SVEP1: variants seen among roughly 807,000 people sequenced by gnomAD.
The protein encoded by SVEP1 is sushi, von Willebrand factor type A, EGF and pentraxin domain containing 1.
Under a neutral mutation model 367.3 loss-of-function variants are expected in SVEP1, and 164 were observed. The observed-to-expected ratio is 0.45, with a 90% CI of 0.39 to 0.51. The LOEUF is 0.51. Among genes scored for constraint, SVEP1 ranks in the 20% least tolerant of loss-of-function variants. The pLI, the probability that SVEP1 is intolerant of heterozygous loss-of-function variation, is 0.00. For missense variants in SVEP1, 4,117 were observed against 4,425.3 expected (o/e 0.93, Z 1.98); for synonymous variants, 1,666 against 1,611.6 (o/e 1.03, Z -0.81).
chr9:110,375,447 G>A lies in SVEP1; in HGVS notation c.10521C>T (p.Pro3507=), dbSNP rs180788725. The A allele has an allele frequency of 4.2e-3, 4,239 of 1,012,546 alleles. 8 individuals carry two copies. Among genetic ancestry groups the A allele is most frequent in the Non-Finnish European group, 5.3e-3 (3,817 of 713,684 alleles). The allele number at this position is 1,012,546 out of a possible 1,614,324, so 62.7% of individuals were successfully genotyped here. A position where few individuals can be genotyped will look rare whatever the true frequency, so the allele number is the denominator to read the frequency against. The stretch of plus-strand genomic sequence containing the variant: ...CCACACAGCGACCTCCGTTCAGACA[G>A]GGAAGAATGCAGATTGCTAAAAAAA... The part of the protein sequence containing the change: ...RLCEEPICIL[P]CLNGGRCVAP... Residue 3507 remains proline (P), a synonymous_variant, in exon 46 of 48, where the codon CCC becomes CCT. Coordinates refer to ENST00000374469, the MANE Select transcript of SVEP1 (RefSeq NM_153366.4).
chr9:110,412,505 C>T (rs1828058442), intron 36 of SVEP1, among the ~76,000 whole-genome samples: 1 of 152,048 alleles, frequency 6.6e-6, no homozygotes, highest in Non-Finnish European at 1.5e-5. Context: ...ATGTCTAAAA[C>T]ACCAAAAGCA....
intron 6 of SVEP1, 25 bp downstream of exon 6, chr9:110,503,013 G>A: frequency 6.3e-7 from 1 of 1,595,934 alleles, no homozygotes; most frequent in Non-Finnish European, 8.5e-7. Flanking sequence ...AATCACTCAA[G>A]GCATTACACC....
At chr9:110,564,873 C>G (rs981211343) in intron 1 of SVEP1, among the ~76,000 whole-genome samples, 2 of 151,604 alleles carry the variant, frequency 1.3e-5, no homozygotes, top group Admixed American at 1.3e-4. Context: ...AATGTGTTGA[C>G]TTTTAAAATT....
In SVEP1 at chr9:110,379,476, C is replaced by A; in HGVS notation, c.10279G>T (p.Ala3427Ser). The A allele has an allele frequency of 6.2e-7, 1 of 1,613,716 alleles. No homozygotes were observed. The highest frequency in any genetic ancestry group is 2.2e-5 in the East Asian group (1 of 44,856). Residue 3427 changes from alanine to serine, a missense_variant, in exon 44 of 48, where the codon GCT becomes TCT. Ala to Ser is a moderately conservative substitution (Grantham distance 99). Transcript: ENST00000374469. ...GPPAHVENAI[A>S]RGVHYQYGDM... Reference sequence around the variant, plus strand: ...CCATATTGATAATGTACGCCTCGAGCAATTGCATTTTCTACGTGAGCTGGT... The same window carrying A: ...CCATATTGATAATGTACGCCTCGAGAAATTGCATTTTCTACGTGAGCTGGT...
chr9:110,533,122 C>T (rs560362236), intron 3 of SVEP1, among the ~76,000 whole-genome samples: 181 of 152,210 alleles, frequency 1.2e-3, no homozygotes, highest in African/African-American at 4.1e-3. Context: ...AGAGCTCAGG[C>T]GGTAAGGCTT....
chr9:110,411,762 T>C, intron 36 of SVEP1, 27 bp from the exon 37 acceptor site: 10 of 1,463,004 alleles, frequency 6.8e-6, no homozygotes, highest in African/African-American at 1.4e-5. Flanking sequence ...AAAGAAAGAA[T>C]AACTAAGCAT....
intron 16 of SVEP1, among the ~76,000 whole-genome samples, chr9:110,470,684 C>T (rs1829002035): frequency 6.6e-6 from 1 of 151,768 alleles, no homozygotes; most frequent in Non-Finnish European, 1.5e-5. Context: ...GATCCTCCCG[C>T]CTTGGCCTCC....
chr9:110,539,652 A>G lies in SVEP1; in HGVS notation c.964+6463T>C, dbSNP rs148599605. Among the ~76,000 whole-genome samples, 131 of 151,310 alleles carry G rather than the reference A, an allele frequency of 8.7e-4. 1 individual carries two copies. The highest frequency in any genetic ancestry group is 2.9e-3 in the African/African-American group (121 of 41,354). On this transcript the variant is annotated intron_variant, in intron 3 of 47. Transcript: ENST00000374469. ...ACATATATGTATGTGTTACATATAT[A>G]TGTATAATATATGTACATTACATAT...
intron 42 of SVEP1, 67 bp downstream of exon 42, chr9:110,387,218 T>G: frequency 6.8e-7 from 1 of 1,472,900 alleles, no homozygotes; most frequent in South Asian, 1.5e-5. Flanking sequence ...CCTCTATGTT[T>G]TGGATATGCG....
In SVEP1 at chr9:110,567,261, G is replaced by A. The variant is rs967349512; in HGVS notation, c.531+11752C>T. On this transcript the variant is annotated intron_variant, in intron 1 of 47. Transcript: ENST00000374469. ...AGAGGGAAGACAACAAACACCACAA[G>A]AGAGTTATAAACCATGTATATACAT... 3.3e-5 allele frequency among the ~76,000 whole-genome samples: 5 copies of A among 152,150 alleles called. No individual in the cohort carries two copies. In the East Asian group the frequency reaches 9.7e-4, roughly 29 times the overall value.
chr9:110,377,691 CAT>C (rs1305113231), intron 44 of SVEP1, among the ~76,000 whole-genome samples: 8 of 152,200 alleles, frequency 5.3e-5, no homozygotes, highest in African/African-American at 1.7e-4. Flanking sequence ...CATCCCCTCA[CAT>C]AGTTATTGTT....
intron 6 of SVEP1, among the ~76,000 whole-genome samples, chr9:110,501,579 T>C (rs976419071): frequency 3.9e-5 from 6 of 152,256 alleles, no homozygotes; most frequent in African/African-American, 1.4e-4. Context: ...CATAATTTCT[T>C]ACAAGAGCTA....
rs549686046 is a variant in SVEP1 at position 110,469,009 on chromosome 9, C to T, written c.3091G>A (p.Glu1031Lys). ...ATCCCAGAGGGGCAAAGCTTGCACT[C>T]AAGTTGCCCTTCTTCATCTTGATAG... ...GSYQDEEGQLECKLCPSGMYT... is the reference protein window; with the variant it reads ...GSYQDEEGQLKCKLCPSGMYT... Residue 1031 changes from glutamate (E) to lysine (K), a missense_variant, in exon 17 of 48, where the codon GAG becomes AAG. Transcript: ENST00000374469. The T allele has an allele frequency of 1.1e-3, 1,725 of 1,613,916 alleles. 34 individuals carry two copies. In the South Asian group the frequency reaches 0.018, roughly 17 times the overall value.
intron 26 of SVEP1, 98 bp downstream of exon 26, chr9:110,445,739 C>CT: frequency 7.3e-7 from 1 of 1,362,898 alleles, no homozygotes; most frequent in Non-Finnish European, 1.0e-6. Flanking sequence ...TCTGGGAACA[C>CT]CTGACCCTCT....
At chr9:110,551,556 A>C (rs1424566825) in intron 1 of SVEP1, among the ~76,000 whole-genome samples, 1 of 152,228 alleles carries the variant, frequency 6.6e-6, no homozygotes, top group Non-Finnish European at 1.5e-5. Flanking sequence ...AGATGGGACC[A>C]CACCAAAGAC....
intron 32 of SVEP1, among the ~76,000 whole-genome samples, chr9:110,431,118 T>G (rs550064344): frequency 6.6e-6 from 1 of 152,326 alleles, no homozygotes; most frequent in Admixed American, 6.5e-5. Context: ...ATGAGCTGAT[T>G]TTGAGGAAAA....
In SVEP1 at chr9:110,483,680, A is replaced by G; in HGVS notation, c.1944T>C (p.Pro648=). 1 of 1,596,422 alleles carries G rather than the reference A, an allele frequency of 6.3e-7. No individual in the cohort carries two copies. Among genetic ancestry groups the G allele is most frequent in the Non-Finnish European group, 8.5e-7 (1 of 1,171,624 alleles). ...FHIKVIDAEP[P]VIDWCRSPPP... ...GTGGAGATCTGCACCAGTCTATGACAGGTGGTTCTGCATCTGAAGAACATG... is the reference window on the plus strand; with the variant it reads ...GTGGAGATCTGCACCAGTCTATGACGGGTGGTTCTGCATCTGAAGAACATG... Residue 648 remains proline, a synonymous_variant, in exon 10 of 48, where the codon CCT becomes CCC. Coordinates refer to ENST00000374469, the MANE Select transcript of SVEP1 (RefSeq NM_153366.4).
intron 28 of SVEP1, among the ~76,000 whole-genome samples, chr9:110,435,580 C>T (rs1440914951): frequency 1.3e-5 from 2 of 152,116 alleles, no homozygotes; most frequent in African/African-American, 4.8e-5. Flanking sequence ...CCACTAGACT[C>T]GTTGTTGCCT....
At position 110,512,969 on chromosome 9, in the gene SVEP1, A is replaced by G. The variant is rs1829745133; in HGVS notation, c.1260T>C (p.Cys420=). 1 of 1,614,020 alleles carries G rather than the reference A, an allele frequency of 6.2e-7. No homozygotes were observed. Among genetic ancestry groups the G allele is most frequent in the East Asian group, 2.2e-5 (1 of 44,886 alleles). The change falls in exon 5 of 48, where the codon TGT becomes TGC. Residue 420 remains cysteine (C), a synonymous_variant. Coordinates refer to ENST00000374469, the MANE Select transcript of SVEP1 (RefSeq NM_153366.4). ...FDLVGSSIIL[C]LPNGLWSGSE... ...AACCGGACCACAAACCATTGGGTAG[A>G]CATAAGATGATGCTGCTTCCCACAA... is the stretch of plus-strand genomic sequence containing the variant.
Sources: gnomAD v4.1 joint callset for allele counts (sites outside exome capture counted in the v4.1 genomes callset) on GRCh38, gnomAD v4.1.1 for gene constraint, MANE v1.5 for transcripts, NCBI Gene and HGNC (gene_info 2026-07-23, HGNC 2026-07-21) for gene names.